MMP16: variants seen among roughly 807,000 people sequenced by gnomAD.
MMP16 encodes matrix metallopeptidase 16.
In MMP16, 12 loss-of-function variants were observed where a neutral mutation model predicts 67.8. The observed-to-expected ratio is 0.18, with a 90% CI of 0.11 to 0.29. The LOEUF is 0.29. Among genes scored for constraint, MMP16 ranks in the 10% least tolerant of loss-of-function variants. The pLI, the probability that MMP16 is intolerant of heterozygous loss-of-function variation, is 1.00. For synonymous variants in MMP16, 249 were observed against 255.9 expected (o/e 0.97, Z 0.26); for missense variants, 475 against 765.7 (o/e 0.62, Z 4.48).
intron 3 of MMP16, among the ~76,000 whole-genome samples, chr8:88,175,964 G>A (rs972677145): frequency 1.6e-4 from 24 of 152,108 alleles, no homozygotes; most frequent in Admixed American, 3.3e-4. Context: ...TGATTGTGAG[G>A]CCTCCCTAGC....
intron 1 of MMP16, among the ~76,000 whole-genome samples, chr8:88,223,159 G>A: frequency 6.6e-6 from 1 of 152,132 alleles, no homozygotes. Flanking sequence ...TCTCACACCA[G>A]TTAGAATGGT....
chr8:88,053,499 C>T (rs975174346), intron 8 of MMP16, among the ~76,000 whole-genome samples: 2 of 152,156 alleles, frequency 1.3e-5, no homozygotes, highest in Non-Finnish European at 2.9e-5. Context: ...TAGAGACTCA[C>T]TAAAATCCTT....
chr8:88,109,073 C>G (rs1461673763), intron 6 of MMP16, among the ~76,000 whole-genome samples: 1 of 151,198 alleles, frequency 6.6e-6, no homozygotes, highest in Non-Finnish European at 1.5e-5. Flanking sequence ...GCAGAGAAGA[C>G]AGAGTTAGAA....
At chr8:88,252,204 T>C (rs956571273) in intron 1 of MMP16, among the ~76,000 whole-genome samples, 1 of 151,590 alleles carries the variant, frequency 6.6e-6, no homozygotes. Flanking sequence ...CGTATGTTTA[T>C]TGCGGCATTA....
intron 1 of MMP16, among the ~76,000 whole-genome samples, chr8:88,215,320 T>G (rs939338528): frequency 2.4e-4 from 34 of 142,758 alleles, no homozygotes; most frequent in Admixed American, 1.1e-3. Flanking sequence ...AGACTCTGTC[T>G]AAAAAAAAAA....
chr8:88,219,911 A>T (rs535800003), intron 1 of MMP16, among the ~76,000 whole-genome samples: 6 of 152,074 alleles, frequency 3.9e-5, no homozygotes, highest in African/African-American at 1.2e-4. Context: ...TCATTTTTTT[A>T]AATTTCTTCT....
chr8:88,107,451 A>G (rs1414568829), intron 6 of MMP16, among the ~76,000 whole-genome samples: 1 of 150,952 alleles, frequency 6.6e-6, no homozygotes, highest in Non-Finnish European at 1.5e-5. Context: ...TCTTTTCATT[A>G]CTTCTCTATT....
intron 7 of MMP16, among the ~76,000 whole-genome samples, chr8:88,072,639 A>G (rs1041503439): frequency 1.3e-5 from 2 of 152,120 alleles, no homozygotes; most frequent in African/African-American, 4.8e-5. Flanking sequence ...ACCATAAGAA[A>G]CACCATACTG....
intron 6 of MMP16, among the ~76,000 whole-genome samples, chr8:88,080,914 A>C (rs2118307500): frequency 6.6e-6 from 1 of 152,294 alleles, no homozygotes; most frequent in African/African-American, 2.4e-5. Flanking sequence ...AATGCTTAAA[A>C]GGCAGAGAAA....
chr8:88,210,018 T>C (rs1299860891), intron 1 of MMP16, among the ~76,000 whole-genome samples: 1 of 152,054 alleles, frequency 6.6e-6, no homozygotes, highest in Non-Finnish European at 1.5e-5. Context: ...GAGCTCTCTA[T>C]CCCTCTTTCC....
At chr8:88,180,401 C>T (rs1413295137) in intron 3 of MMP16, among the ~76,000 whole-genome samples, 6 of 151,188 alleles carry the variant, frequency 4.0e-5, no homozygotes, top group Non-Finnish European at 8.8e-5. Context: ...AGAAACCTGC[C>T]TCAAATATGA....
At chr8:88,114,161 G>A (rs1478727602) in intron 6 of MMP16, among the ~76,000 whole-genome samples, 1 of 151,740 alleles carries the variant, frequency 6.6e-6, no homozygotes, top group Non-Finnish European at 1.5e-5. Context: ...TCCAATCTGT[G>A]ACAACTATTA....
intron 6 of MMP16, among the ~76,000 whole-genome samples, chr8:88,112,232 C>A (rs1363933758): frequency 6.7e-6 from 1 of 149,458 alleles, no homozygotes; most frequent in South Asian, 2.1e-4. Flanking sequence ...GTGCTGTATA[C>A]AATTTTTCCT....
At chr8:88,066,669 G>A (rs1808467442) in intron 7 of MMP16, among the ~76,000 whole-genome samples, 1 of 151,922 alleles carries the variant, frequency 6.6e-6, no homozygotes, top group Non-Finnish European at 1.5e-5. Context: ...TCAGTGAAGG[G>A]AGACATTATA....
chr8:88,173,388 T>C (rs1229401980), intron 3 of MMP16, among the ~76,000 whole-genome samples: 7 of 152,248 alleles, frequency 4.6e-5, no homozygotes, highest in African/African-American at 1.7e-4. Context: ...AAAGTATTGT[T>C]TGAACCCTAA....
intron 1 of MMP16, among the ~76,000 whole-genome samples, chr8:88,306,841 C>T (rs1811218519): frequency 6.6e-6 from 1 of 152,182 alleles, no homozygotes; most frequent in African/African-American, 2.4e-5. Context: ...TGGGCAAGAG[C>T]TGGAAGCATT....
chr8:88,230,750 C>G (rs902465390), intron 1 of MMP16, among the ~76,000 whole-genome samples: 3 of 152,010 alleles, frequency 2.0e-5, no homozygotes, highest in Admixed American at 1.3e-4. Flanking sequence ...GATCATATTT[C>G]TTAATATTTG....
chr8:88,078,118 C>G (rs1808681278), intron 6 of MMP16, among the ~76,000 whole-genome samples: 1 of 151,952 alleles, frequency 6.6e-6, no homozygotes, highest in Admixed American at 6.6e-5. Flanking sequence ...TTCTCCTCTC[C>G]CTCTCCTTCT....
intron 9 of MMP16, among the ~76,000 whole-genome samples, chr8:88,045,332 TTTTC>T (rs985231170): frequency 1.3e-5 from 2 of 151,792 alleles, no homozygotes; most frequent in Non-Finnish European, 2.9e-5. Flanking sequence ...TAGTATAGAG[TTTTC>T]TTTTTCTTTC....
Sources: gnomAD v4.1 joint callset for allele counts (sites outside exome capture counted in the v4.1 genomes callset) on GRCh38, gnomAD v4.1.1 for gene constraint, MANE v1.5 for transcripts, NCBI Gene and HGNC (gene_info 2026-07-23, HGNC 2026-07-21) for gene names.